The following PLCH1 variants were observed in gnomAD, a reference collection of about 807,000 sequenced individuals.
PLCH1 encodes 1-phosphatidylinositol 4,5-bisphosphate phosphodiesterase eta-1.
In PLCH1, 60 loss-of-function variants were observed where a neutral mutation model predicts 126.7. That is an observed-to-expected ratio of 0.47 (90% CI 0.38 to 0.59). The LOEUF is 0.59. Ranked by LOEUF, PLCH1 falls within the 20% of genes least tolerant of loss-of-function variation. The probability of loss-of-function intolerance (pLI) is 0.00; values close to 1 mark genes in which losing one functional copy is unlikely to be tolerated. For synonymous variants in PLCH1, 719 were observed against 734.9 expected, an observed-to-expected ratio of 0.98 and a Z score of 0.35; for missense variants, 1,723 against 2,040.0, an observed-to-expected ratio of 0.84 and a Z score of 2.99.
rs753990433 is a variant in PLCH1, at chr3:155,482,049, G to C, written c.3977C>G (p.Ala1326Gly). Reference sequence around the variant, plus strand: ...CTCCAGGGTCAAATCAGGGGAAGAGGCAGGGCTGCAGCTCTTCAGTGTTTC... The same window carrying C: ...CTCCAGGGTCAAATCAGGGGAAGAGCCAGGGCTGCAGCTCTTCAGTGTTTC... ...DWETLKSCSP[A>G]SSPDLTLEDV... Residue 1326 changes from alanine (A) to glycine (G), a missense_variant, in exon 23 of 23, where the codon GCC (alanine) becomes GGC (glycine). Around this residue, in one of 2 missense-constraint regions of PLCH1, gnomAD observed 947 missense variants for 977.1 expected, o/e 0.97. Coordinates refer to ENST00000460012, the MANE Select transcript of PLCH1 (RefSeq NM_014996.4). 4 of 1,614,130 alleles carry C rather than the reference G, an allele frequency of 2.5e-6. No homozygotes were observed. In the Admixed American group the frequency reaches 6.7e-5, roughly 27 times the overall value.
intron 6 of PLCH1, among the ~76,000 whole-genome samples, chr3:155,575,317 C>A (rs528901526): frequency 1.3e-5 from 2 of 152,098 alleles, no homozygotes; most frequent in South Asian, 4.2e-4. Context: ...TTAGAATGAC[C>A]ATAACTCTTA....
At chr3:155,501,726 T>C (rs1576841322) in intron 13 of PLCH1, among the ~76,000 whole-genome samples, 1 of 148,044 alleles carries the variant, frequency 6.8e-6, no homozygotes, top group Non-Finnish European at 1.5e-5. Context: ...ACCCAGGAGG[T>C]GGAGGTTGCA....
At chr3:155,500,404 T>C (rs979796915) in intron 14 of PLCH1, among the ~76,000 whole-genome samples, 7 of 152,230 alleles carry the variant, frequency 4.6e-5, no homozygotes, top group African/African-American at 1.4e-4. Context: ...CCATCTTCTT[T>C]AGTCTCTTGT....
chr3:155,538,706 C>G lies in PLCH1; in HGVS notation c.1362+11081G>C, dbSNP rs571198287. On this transcript the variant is annotated intron_variant, in intron 10 of 22. Transcript: ENST00000460012. ...CCTCGGAGGTTAAACCAGGAAGAAA[C>G]AGAAACTCTGAACAAACCAACAACA... Among the ~76,000 whole-genome samples, 111 of 152,004 alleles carry G rather than the reference C, an allele frequency of 7.3e-4. 1 individual carries two copies. The highest frequency in any genetic ancestry group is 5.2e-3 in the Admixed American group (79 of 15,266).
intron 2 of PLCH1, among the ~76,000 whole-genome samples, chr3:155,612,329 CAAAA>C (rs778561751): frequency 6.5e-5 from 6 of 92,386 alleles, no homozygotes; most frequent in Admixed American, 1.1e-4. Flanking sequence ...AACTCTGTCT[CAAAA>C]AAAAAAAAAA....
chr3:155,478,619 GT>G (rs1315935043), downstream of PLCH1, among the ~76,000 whole-genome samples: 1 of 151,930 alleles, frequency 6.6e-6, no homozygotes, highest in African/African-American at 2.4e-5. Flanking sequence ...AATAATATGT[GT>G]TTTTTGTTTT....
At chr3:155,699,136 C>A (rs1019350025) in intron 2 of PLCH1, among the ~76,000 whole-genome samples, 2 of 151,048 alleles carry the variant, frequency 1.3e-5, no homozygotes. Context: ...AGTGCAGTGG[C>A]GCCATCTCGG....
chr3:155,708,192 A>T (rs1354461931), intron 1 of PLCH1, among the ~76,000 whole-genome samples: 3 of 152,318 alleles, frequency 2.0e-5, no homozygotes, highest in South Asian at 2.1e-4. Context: ...TAGGGGTGGG[A>T]TTCAGGCATC....
At chr3:155,679,531 T>TAACCAAGTCTCAATGTTTAA (rs1417605711) in intron 2 of PLCH1, among the ~76,000 whole-genome samples, 1 of 152,214 alleles carries the variant, frequency 6.6e-6, no homozygotes, top group Non-Finnish European at 1.5e-5. Context: ...TAACTTCATT[T>TAACCAAGTCTCAATGTTTAA]AACCAAGTCT....
At chr3:155,462,517 T>G (rs1008152755) in intron 21 of PLCH1, among the ~76,000 whole-genome samples, 1 of 152,208 alleles carries the variant, frequency 6.6e-6, no homozygotes, top group Non-Finnish European at 1.5e-5. Flanking sequence ...GACCACGATC[T>G]GGAAGGACTG....
intron 1 of PLCH1, among the ~76,000 whole-genome samples, chr3:155,741,224 G>A (rs1749597271): frequency 6.6e-6 from 1 of 152,200 alleles, no homozygotes; most frequent in Non-Finnish European, 1.5e-5. Flanking sequence ...CCACTGAACT[G>A]TGTCTAAATG....
Position 155,566,330 on chromosome 3 carries a change from CGT to C in PLCH1, c.866-1214_866-1213del, listed in dbSNP as rs1553839546. On this transcript the variant is annotated intron_variant, in intron 7 of 22. Coordinates refer to ENST00000460012, the MANE Select transcript of PLCH1 (RefSeq NM_014996.4). ...ATATATACATATATACATATATATA[CGT>C]ATATATACACATATATATACATATA... Among the ~76,000 whole-genome samples, 3 of 54,746 alleles carry C rather than the reference CGT, an allele frequency of 5.5e-5. 1 individual carries two copies. Among genetic ancestry groups the C allele is most frequent in the African/African-American group, 3.3e-4 (2 of 5,976 alleles). 35.9% of individuals were successfully genotyped at this position (54,746 alleles called of 152,430 possible).
At chr3:155,639,137 T>C (rs1363549634) in intron 2 of PLCH1, among the ~76,000 whole-genome samples, 1 of 152,128 alleles carries the variant, frequency 6.6e-6, no homozygotes, top group Non-Finnish European at 1.5e-5. Context: ...GTTGGAAAGA[T>C]AGGTTCTTGG....
intron 1 of PLCH1, among the ~76,000 whole-genome samples, chr3:155,737,489 G>A (rs1222806120): frequency 2.0e-5 from 3 of 151,766 alleles, no homozygotes; most frequent in Non-Finnish European, 2.9e-5. Context: ...GAGCCACCAT[G>A]CCCTGCCCTC....
chr3:155,709,907 C>A (rs1043170868), intron 1 of PLCH1, among the ~76,000 whole-genome samples: 6 of 152,044 alleles, frequency 3.9e-5, no homozygotes, highest in Non-Finnish European at 8.8e-5. Flanking sequence ...TGCCAGCCAT[C>A]ATTCCTGGCC....
chr3:155,543,532 A>T (rs569815246), intron 10 of PLCH1, among the ~76,000 whole-genome samples: 1 of 152,358 alleles, frequency 6.6e-6, no homozygotes, highest in East Asian at 1.9e-4. Flanking sequence ...CAGGAAATAC[A>T]GAGAACGCCA....
intron 19 of PLCH1, 115 bp downstream of exon 19, chr3:155,490,669 G>C (rs1220854055): frequency 1.6e-6 from 1 of 619,360 alleles, no homozygotes; most frequent in African/African-American, 1.9e-5. Context: ...CATAAACTCA[G>C]ATGGGAGTTA....
chr3:155,523,223 G>T (rs898255808), intron 11 of PLCH1, among the ~76,000 whole-genome samples: 1 of 152,050 alleles, frequency 6.6e-6, no homozygotes, highest in African/African-American at 2.4e-5. Context: ...TGATCTGCCC[G>T]CCTCGGCCTC....
chr3:155,494,091 C>T (rs1427347124), intron 17 of PLCH1, 50 bp downstream of exon 17: 2 of 1,402,536 alleles, frequency 1.4e-6, no homozygotes, highest in Non-Finnish European at 2.0e-6. Context: ...TGCATTTAGA[C>T]TATGAAATTA....
Sources: allele counts gnomAD v4.1 joint callset (sites outside exome capture counted in the v4.1 genomes callset), GRCh38; gene constraint gnomAD v4.1.1; regional missense constraint gnomAD v4.1.1; transcripts MANE v1.5; gene names NCBI Gene and HGNC (gene_info 2026-07-23, HGNC 2026-07-21).